The following SLC1A2 variants were observed in gnomAD, a reference collection of about 807,000 sequenced individuals.
SLC1A2 encodes the protein excitatory amino acid transporter 2.
A neutral mutation model predicts 48.8 loss-of-function variants in SLC1A2; 15 were observed. The ratio of observed to expected loss-of-function variants is 0.31; its 90% CI spans 0.21 to 0.47. The LOEUF (loss-of-function observed/expected upper bound fraction) is 0.47. SLC1A2 is among the 20% of genes least tolerant of loss of function. The pLI, the probability that SLC1A2 is intolerant of heterozygous loss-of-function variation, is 0.99. For synonymous variants in SLC1A2, 279 were observed against 272.6 expected, an observed-to-expected ratio of 1.02 and a Z score of -0.23; for missense variants, 502 against 730.5, an observed-to-expected ratio of 0.69 and a Z score of 3.61.
chr11:35,413,441 G>T (rs1369127501), intron 1 of SLC1A2, among the ~76,000 whole-genome samples: 1 of 152,138 alleles, frequency 6.6e-6, no homozygotes, highest in African/African-American at 2.4e-5. Flanking sequence ...TTGTTGTGGG[G>T]ATTAAATAAA....
chr11:35,288,143 A>G (rs1850884184), intron 7 of SLC1A2, among the ~76,000 whole-genome samples: 1 of 152,188 alleles, frequency 6.6e-6, no homozygotes, highest in Non-Finnish European at 1.5e-5. Flanking sequence ...TCCAGGGCCT[A>G]TCCAGAACCA....
At chr11:35,272,380 A>AGAG (rs1755951118) in intron 9 of SLC1A2, among the ~76,000 whole-genome samples, 2 of 152,258 alleles carry the variant, frequency 1.3e-5, no homozygotes, top group Non-Finnish European at 2.9e-5. Flanking sequence ...ACTAGAATAC[A>AGAG]GAGCCCTCTC....
chr11:35,320,421 T>G (rs1355827550), intron 1 of SLC1A2, among the ~76,000 whole-genome samples: 1 of 152,220 alleles, frequency 6.6e-6, no homozygotes, highest in Non-Finnish European at 1.5e-5. Context: ...CAAAGGAGTC[T>G]ATGGGAAATC....
At chr11:35,410,551 C>T (rs1236996600) in intron 1 of SLC1A2, among the ~76,000 whole-genome samples, 3 of 152,174 alleles carry the variant, frequency 2.0e-5, no homozygotes, top group African/African-American at 7.2e-5. Context: ...CTGTGACATG[C>T]TACCCAGATC....
intron 1 of SLC1A2, among the ~76,000 whole-genome samples, chr11:35,318,851 A>T (rs1409152547): frequency 2.0e-5 from 3 of 152,260 alleles, no homozygotes; most frequent in Non-Finnish European, 2.9e-5. Flanking sequence ...TTGCCCTGCC[A>T]TTCTAGCAAG....
intron 1 of SLC1A2, among the ~76,000 whole-genome samples, chr11:35,408,978 T>C (rs1298922159): frequency 6.6e-6 from 1 of 152,242 alleles, no homozygotes; most frequent in African/African-American, 2.4e-5. Flanking sequence ...TCTGTTGCTC[T>C]ACAATTGAGT....
At chr11:35,322,188 GTTCT>G (rs1422849499) in intron 1 of SLC1A2, among the ~76,000 whole-genome samples, 1 of 152,106 alleles carries the variant, frequency 6.6e-6, no homozygotes, top group Non-Finnish European at 1.5e-5. Context: ...TCTCTGCCCA[GTTCT>G]TTCTCATGCA....
At chr11:35,398,594 T>C (rs1297048236) in intron 1 of SLC1A2, among the ~76,000 whole-genome samples, 1 of 152,186 alleles carries the variant, frequency 6.6e-6, no homozygotes, top group Non-Finnish European at 1.5e-5. Context: ...AAATAACCTG[T>C]ATACCAAACC....
At chr11:35,379,416 A>C (rs1854347903) in intron 1 of SLC1A2, among the ~76,000 whole-genome samples, 1 of 152,160 alleles carries the variant, frequency 6.6e-6, no homozygotes, top group Non-Finnish European at 1.5e-5. Flanking sequence ...GGCAATACAG[A>C]CTTTTTTTTA....
At chr11:35,370,577 A>G (rs1427071377) in intron 1 of SLC1A2, among the ~76,000 whole-genome samples, 4 of 152,138 alleles carry the variant, frequency 2.6e-5, no homozygotes, top group Middle Eastern at 3.2e-3. Flanking sequence ...TATGGGTTGG[A>G]GGAGAAGCCC....
chr11:35,334,130 G>A (rs1170738268), intron 1 of SLC1A2, among the ~76,000 whole-genome samples: 2 of 152,154 alleles, frequency 1.3e-5, no homozygotes, highest in African/African-American at 4.8e-5. Flanking sequence ...GATAGGCATG[G>A]ATTTTCCAGT....
At chr11:35,306,403 T>G (rs1851507774) in intron 4 of SLC1A2, among the ~76,000 whole-genome samples, 161 bp from the exon 5 acceptor site, 1 of 152,226 alleles carries the variant, frequency 6.6e-6, no homozygotes, top group African/African-American at 2.4e-5. Flanking sequence ...TTTATATGTC[T>G]ATATTTACAA....
chr11:35,415,287 A>G (rs992914944), intron 1 of SLC1A2, among the ~76,000 whole-genome samples: 3 of 152,256 alleles, frequency 2.0e-5, no homozygotes, highest in Non-Finnish European at 4.4e-5. Context: ...TTGGTTTTTA[A>G]TAACATGGAG....
intron 3 of SLC1A2, 47 bp from the exon 4 acceptor site, chr11:35,312,495 C>A: frequency 6.2e-7 from 1 of 1,600,008 alleles, no homozygotes; most frequent in Non-Finnish European, 8.6e-7. Flanking sequence ...TACGTTTGTG[C>A]TAATGACCTG....
chr11:35,280,106 T>C (rs1467170153), intron 9 of SLC1A2, among the ~76,000 whole-genome samples: 2 of 152,204 alleles, frequency 1.3e-5, no homozygotes, highest in African/African-American at 4.8e-5. Context: ...CTTGTGTTCC[T>C]TCCCAGTTAA....
intron 3 of SLC1A2, among the ~76,000 whole-genome samples, chr11:35,313,642 C>G (rs1851778172): frequency 6.6e-6 from 1 of 152,198 alleles, no homozygotes; most frequent in South Asian, 2.1e-4. Flanking sequence ...TAGTCTAATT[C>G]TAGCCGACGG....
chr11:35,328,936 C>T (rs1360222218), intron 1 of SLC1A2, among the ~76,000 whole-genome samples: 1 of 152,196 alleles, frequency 6.6e-6, no homozygotes, highest in Non-Finnish European at 1.5e-5. Flanking sequence ...TATGTCCACA[C>T]AAAACACTGC....
chr11:35,335,305 T>C (rs989383181), intron 1 of SLC1A2, among the ~76,000 whole-genome samples: 1 of 152,176 alleles, frequency 6.6e-6, no homozygotes, highest in Non-Finnish European at 1.5e-5. Context: ...AACCTATCTA[T>C]TGAAAGCTAT....
intron 9 of SLC1A2, among the ~76,000 whole-genome samples, chr11:35,274,583 G>T (rs796204278): frequency 1.1e-4 from 16 of 152,244 alleles, no homozygotes; most frequent in African/African-American, 3.9e-4. Flanking sequence ...GTGTGTGCAT[G>T]TGCATGTGTG....
Sources: gnomAD v4.1 joint callset for allele counts (sites outside exome capture counted in the v4.1 genomes callset) on GRCh38, gnomAD v4.1.1 for gene constraint, MANE v1.5 for transcripts, NCBI Gene and HGNC (gene_info 2026-07-23, HGNC 2026-07-21) for gene names.